RALY: variants seen among roughly 807,000 people sequenced by gnomAD.
The protein encoded by RALY is RALY heterogeneous nuclear ribonucleoprotein.
In RALY, 15 loss-of-function variants were observed where a neutral mutation model predicts 30.7. That is an observed-to-expected ratio of 0.49 (90% CI 0.33 to 0.75). The LOEUF is 0.75. Ranked by LOEUF, RALY falls within the 30% of genes least tolerant of loss-of-function variation. The probability of loss-of-function intolerance (pLI) is 0.02; values close to 1 mark genes in which losing one functional copy is unlikely to be tolerated. For synonymous variants in RALY, 177 were observed against 170.8 expected, an observed-to-expected ratio of 1.04 and a Z score of -0.28; for missense variants, 339 against 414.3, an observed-to-expected ratio of 0.82 and a Z score of 1.58.
intron 1 of RALY, among the ~76,000 whole-genome samples, chr20:34,016,277 G>A (rs1243378784): frequency 1.3e-5 from 2 of 152,222 alleles, no homozygotes; most frequent in African/African-American, 2.4e-5. Flanking sequence ...AGCCAAGCTA[G>A]CAGACTGTTA....
At chr20:34,029,267 G>A (rs565362985) in intron 1 of RALY, among the ~76,000 whole-genome samples, 14 of 151,836 alleles carry the variant, frequency 9.2e-5, no homozygotes, top group South Asian at 4.2e-4. Context: ...AAGAAACCCC[G>A]TCTTTACTAA....
intron 2 of RALY, among the ~76,000 whole-genome samples, chr20:34,054,623 C>T (rs1296464063): frequency 1.3e-5 from 2 of 152,048 alleles, no homozygotes; most frequent in African/African-American, 4.8e-5. Flanking sequence ...GTCAGGCGTT[C>T]GAGACCAGCC....
chr20:34,019,056 C>T (rs1308973296), intron 1 of RALY, among the ~76,000 whole-genome samples: 1 of 152,186 alleles, frequency 6.6e-6, no homozygotes, highest in South Asian at 2.1e-4. Flanking sequence ...GGCGCAGTGG[C>T]TCACGCCTGT....
At chr20:34,032,923 G>A (rs1274878061) in intron 2 of RALY, among the ~76,000 whole-genome samples, 6 of 152,166 alleles carry the variant, frequency 3.9e-5, no homozygotes, top group African/African-American at 1.4e-4. Flanking sequence ...GGGCAGGTAG[G>A]AGTTAGGGGT....
chr20:34,069,185 A>G (rs566142735), intron 2 of RALY, among the ~76,000 whole-genome samples: 28 of 152,114 alleles, frequency 1.8e-4, no homozygotes, highest in Non-Finnish European at 2.9e-4. Context: ...CTCATCTAGA[A>G]TGGGGTTCGC....
At chr20:34,029,320 G>A (rs544490800) in intron 1 of RALY, among the ~76,000 whole-genome samples, 82 of 152,002 alleles carry the variant, frequency 5.4e-4, no homozygotes, top group African/African-American at 1.7e-3. Context: ...ACCTGTAATC[G>A]CAGCTACTCA....
intron 1 of RALY, among the ~76,000 whole-genome samples, chr20:34,025,899 GTTTTTTT>G (rs35827160): frequency 1.1e-4 from 8 of 75,918 alleles, no homozygotes; most frequent in East Asian, 4.8e-4. Context: ...ATTCCTGGTT[GTTTTTTT>G]TTTTTTTTTT....
intron 2 of RALY, among the ~76,000 whole-genome samples, chr20:34,067,980 T>C (rs2033625492): frequency 6.6e-6 from 1 of 152,056 alleles, no homozygotes; most frequent in Non-Finnish European, 1.5e-5. Context: ...AGCTGTAGCA[T>C]CCTGGCCAAG....
chr20:34,078,035 G>A (rs139818168), intron 8 of RALY, among the ~76,000 whole-genome samples: 2 of 152,338 alleles, frequency 1.3e-5, no homozygotes, highest in Non-Finnish European at 2.9e-5. Flanking sequence ...GCACTGCTGG[G>A]TTCTATCGTG....
At chr20:34,068,536 C>T (rs2033641387) in intron 2 of RALY, among the ~76,000 whole-genome samples, 2 of 152,206 alleles carry the variant, frequency 1.3e-5, no homozygotes, top group Non-Finnish European at 2.9e-5. Flanking sequence ...TGAACACTTA[C>T]TGTGCCCCGA....
chr20:34,076,097 T>TA, intron 6 of RALY, 57 bp downstream of exon 6: 1 of 1,555,154 alleles, frequency 6.4e-7, no homozygotes, highest in Non-Finnish European at 8.8e-7. Context: ...AGCAAAATAA[T>TA]AGAATCACAT....
chr20:34,073,676 C>T (rs761951719), intron 4 of RALY, 41 bp downstream of exon 4: 3 of 1,546,744 alleles, frequency 1.9e-6, no homozygotes, highest in Non-Finnish European at 2.7e-6. Context: ...TGGGATGACT[C>T]TCTCTTTCCA....
At chr20:34,018,373 T>A (rs2031686320) in intron 1 of RALY, among the ~76,000 whole-genome samples, 1 of 152,174 alleles carries the variant, frequency 6.6e-6, no homozygotes, top group Non-Finnish European at 1.5e-5. Context: ...GGTGTTGTGG[T>A]TCTTGGCATT....
rs565532931 is a variant in RALY, at chr20:34,003,700, C to T, written c.-93+9569C>T. 1.6e-4 allele frequency among the ~76,000 whole-genome samples: 21 copies of T among 129,442 alleles called. No homozygotes were observed. The East Asian group carries it at 3.7e-3, about 23-fold the overall frequency. The allele number at this position is 129,442 out of a possible 152,430, so 84.9% of individuals were successfully genotyped here. ...TGTCGCCCAGGCTGGAGTGCAGTGG[C>T]GGGATCTCGGCTCACTGCAAGCTCC... On this transcript the variant is annotated intron_variant, in intron 1 of 9. Coordinates refer to ENST00000246194, the MANE Select transcript of RALY (RefSeq NM_016732.3).
chr20:34,009,445 C>A (rs1461601858), intron 1 of RALY, among the ~76,000 whole-genome samples: 1 of 152,028 alleles, frequency 6.6e-6, no homozygotes, highest in Non-Finnish European at 1.5e-5. Flanking sequence ...ACCAATTTGG[C>A]CAGGCTGATC....
At chr20:34,066,054 C>A (rs1484309558) in intron 2 of RALY, among the ~76,000 whole-genome samples, 1 of 151,878 alleles carries the variant, frequency 6.6e-6, no homozygotes, top group Non-Finnish European at 1.5e-5. Flanking sequence ...TTAAGACAGC[C>A]ATTGAGACAG....
intron 1 of RALY, among the ~76,000 whole-genome samples, chr20:34,016,853 G>A (rs1456179975): frequency 6.6e-6 from 1 of 152,272 alleles, no homozygotes; most frequent in African/African-American, 2.4e-5. Flanking sequence ...CCCAGGCCCT[G>A]ACCTTCTGCC....
At chr20:34,023,016 T>G (rs1314395438) in intron 1 of RALY, among the ~76,000 whole-genome samples, 1 of 152,148 alleles carries the variant, frequency 6.6e-6, no homozygotes, top group Non-Finnish European at 1.5e-5. Context: ...GAACTGGCAG[T>G]CAGTCTGACT....
intron 1 of RALY, among the ~76,000 whole-genome samples, chr20:34,012,769 G>C (rs982336603): frequency 6.6e-6 from 1 of 152,226 alleles, no homozygotes; most frequent in Non-Finnish European, 1.5e-5. Context: ...CAAGGCTCAT[G>C]CAGTCTGGTG....
Sources: gnomAD v4.1 joint callset for allele counts (sites outside exome capture counted in the v4.1 genomes callset) on GRCh38, gnomAD v4.1.1 for gene constraint, MANE v1.5 for transcripts, NCBI Gene and HGNC (gene_info 2026-07-23, HGNC 2026-07-21) for gene names.